DCDC2B: variants seen among roughly 807,000 people sequenced by gnomAD.
DCDC2B encodes doublecortin domain containing 2B.
Under a neutral mutation model 38.9 loss-of-function variants are expected in DCDC2B, and 41 were observed. That is an observed-to-expected ratio of 1.05 (90% CI 0.82 to 1.37). The LOEUF is 1.37. DCDC2B is among the 40% of genes most tolerant of loss of function. DCDC2B has a pLI of 0.00. For missense variants in DCDC2B, 453 were observed against 427.2 expected (o/e 1.06, Z -0.53); for synonymous variants, 181 against 171.9 (o/e 1.05, Z -0.41).
intron 3 of DCDC2B, 63 bp downstream of exon 3, chr1:32,211,900 T>C: frequency 6.4e-7 from 1 of 1,557,648 alleles, no homozygotes. Flanking sequence ...AAGAAAATGG[T>C]GTTGGGTTTG....
Position 32,215,866 on chromosome 1 carries a change from T to C in DCDC2B, c.1019T>C (p.Ile340Thr). The C allele has an allele frequency of 6.4e-7, 1 of 1,551,032 alleles. No homozygotes were observed. The highest frequency in any genetic ancestry group is 8.7e-7 in the Non-Finnish European group (1 of 1,147,100). Residue 340 changes from isoleucine (I) to threonine (T), a missense_variant, in exon 9 of 9, where the codon ATC becomes ACC. By Grantham distance (89) the Ile-to-Thr change is moderately conservative. Transcript: ENST00000409358. Reference protein sequence around the residue: ...LENQPGAGAAISASAPALPS With the variant: ...LENQPGAGAATSASAPALPS ...AACCAGCCTGGGGCTGGGGCTGCTA[T>C]CTCAGCCTCAGCCCCAGCTCTGCCA... is the stretch of plus-strand genomic sequence containing the variant.
Position 32,209,338 on chromosome 1 carries a change from T to A in DCDC2B, c.245T>A (p.Phe82Tyr). 6.2e-7 allele frequency: 1 copy of A among 1,613,938 alleles called. No homozygotes were observed. The highest frequency in any genetic ancestry group is 8.5e-7 in the Non-Finnish European group (1 of 1,179,866). ...AGAGGGCAGTATGTGGCCGCTGGAT[T>A]TGAACGATTCCACAAGCTCCAGTGA... ...KNRGQYVAAG[F>Y]ERFHKLHYLP... Residue 82 changes from phenylalanine (F) to tyrosine (Y), a missense_variant, in exon 1 of 9, where the codon TTT (phenylalanine) becomes TAT (tyrosine). By Grantham distance (22) the Phe-to-Tyr change is conservative (BLOSUM62 3). Coordinates refer to ENST00000409358, the MANE Select transcript of DCDC2B (RefSeq NM_001099434.2).
At chr1:32,215,109 G>C in intron 7 of DCDC2B, 177 bp downstream of exon 7, 1 of 845,366 alleles carries the variant, frequency 1.2e-6, no homozygotes, top group Non-Finnish European at 1.7e-6. Context: ...GAGACTGCCC[G>C]TAAAAAAAAA....
intron 7 of DCDC2B, 29 bp from the exon 8 acceptor site, chr1:32,215,411 C>T: frequency 6.3e-7 from 1 of 1,576,502 alleles, no homozygotes; most frequent in Non-Finnish European, 8.7e-7. Context: ...TCAGCCTGGG[C>T]ATCACCCAGT....
rs1348276936 is a variant in DCDC2B, at chr1:32,215,875, C to G, written c.1028C>G (p.Ser343Ter). 2.6e-6 allele frequency: 4 copies of G among 1,551,928 alleles called. No individual in the cohort carries two copies. Among genetic ancestry groups the G allele is most frequent in the Non-Finnish European group, 3.5e-6 (4 of 1,147,334 alleles). The change falls in exon 9 of 9, where the codon TCA becomes TGA. Residue 343 changes from serine (S) to a stop codon, truncating the protein, a stop_gained. Coordinates refer to ENST00000409358, the MANE Select transcript of DCDC2B (RefSeq NM_001099434.2). LOFTEE classifies it high-confidence loss of function. The part of the protein sequence containing the change: ...QPGAGAAISA[S>*]APALPS Reference sequence around the variant, plus strand: ...GGGGCTGGGGCTGCTATCTCAGCCTCAGCCCCAGCTCTGCCATCTTGAGAG... The same window carrying G: ...GGGGCTGGGGCTGCTATCTCAGCCTGAGCCCCAGCTCTGCCATCTTGAGAG...
At position 32,209,294 on chromosome 1, in the gene DCDC2B, C is replaced by A; in HGVS notation, c.201C>A (p.Asn67Lys). Residue 67 changes from asparagine (N) to lysine (K), a missense_variant, in exon 1 of 9, where the codon AAC becomes AAA. Asn to Lys is a moderately conservative substitution (Grantham distance 94, BLOSUM62 0). Transcript: ENST00000409358. ...YTPCHGHPVT[N>K]LADLKNRGQY... ...CTTGTCATGGCCACCCTGTCACCAA[C>A]CTGGCAGACTTGAAGAACAGAGGGC... is the stretch of plus-strand genomic sequence containing the variant. The A allele has an allele frequency of 6.2e-7, 1 of 1,613,998 alleles. No homozygotes were observed. Among genetic ancestry groups the A allele is most frequent in the South Asian group, 1.1e-5 (1 of 91,084 alleles).
chr1:32,209,213 C>T lies in DCDC2B; in HGVS notation c.120C>T (p.Leu40=), dbSNP rs1643481113. The change falls in exon 1 of 9, where the codon CTC becomes CTT. Residue 40 remains leucine, a synonymous_variant. Transcript: ENST00000409358. Reference sequence around the variant, plus strand: ...GCTTCCCCACCATGGAGGCCTTCCTCTGCGAGGTGACATCAGCTGTGCAGG... The same window carrying T: ...GCTTCCCCACCATGGAGGCCTTCCTTTGCGAGGTGACATCAGCTGTGCAGG... ...QRRFPTMEAF[L]CEVTSAVQAP... 1 of 1,613,906 alleles carries T rather than the reference C, an allele frequency of 6.2e-7. No individual in the cohort carries two copies. Among genetic ancestry groups the T allele is most frequent in the African/African-American group, 1.3e-5 (1 of 74,944 alleles).
chr1:32,212,935 G>C, intron 6 of DCDC2B, 142 bp downstream of exon 6: 1 of 1,053,612 alleles, frequency 9.5e-7, no homozygotes, highest in South Asian at 1.6e-5. Context: ...CTGTAGTCCA[G>C]GCTGGAGTGC....
At chr1:32,215,663 A>G (rs1410799282) in intron 8 of DCDC2B, 120 bp downstream of exon 8, 3 of 1,116,974 alleles carry the variant, frequency 2.7e-6, no homozygotes, top group Non-Finnish European at 3.8e-6. Flanking sequence ...ATGATCTCCT[A>G]ACTTCCTACC....
intron 1 of DCDC2B, 148 bp downstream of exon 1, chr1:32,209,507 A>G: frequency 1.7e-6 from 2 of 1,149,588 alleles, no homozygotes; most frequent in South Asian, 3.1e-5. Flanking sequence ...TTAGAAAGGG[A>G]AAACAGACAG....
intron 6 of DCDC2B, among the ~76,000 whole-genome samples, chr1:32,213,162 C>T (rs1468539631): frequency 6.6e-6 from 1 of 152,110 alleles, no homozygotes; most frequent in Non-Finnish European, 1.5e-5. Context: ...TCCCAAAGTG[C>T]TGGGATTACA....
rs201146941 is a variant in DCDC2B at position 32,213,198 on chromosome 1, C to CT, written c.714+411dup. On this transcript the variant is annotated intron_variant, in intron 6 of 8. Transcript: ENST00000409358. Reference sequence around the variant, plus strand: ...GGCGTGAGCCACCGTGCCCGGCCTCCTTTTTTCTTTTAAATATAGAGATGA... The same window carrying CT: ...GGCGTGAGCCACCGTGCCCGGCCTCCTTTTTTTCTTTTAAATATAGAGATGA... 1.1e-3 allele frequency among the ~76,000 whole-genome samples: 164 copies of CT among 144,240 alleles called. 3 individuals carry two copies. The East Asian group carries it at 0.034, about 30-fold the overall frequency. The allele number at this position is 144,240 out of a possible 152,430, so 94.6% of individuals were successfully genotyped here.
At chr1:32,211,395 C>A (rs115551589) in intron 2 of DCDC2B, 72 bp downstream of exon 2, 17 of 1,546,640 alleles carry the variant, frequency 1.1e-5, no homozygotes, top group Admixed American at 8.7e-5. Flanking sequence ...CCAATTTGGT[C>A]TGGGAAGCCA....
chr1:32,211,328 G>T lies in DCDC2B; in HGVS notation c.318+5G>T. The T allele has an allele frequency of 1.2e-6, 2 of 1,613,852 alleles. No homozygotes were observed. Among genetic ancestry groups the T allele is most frequent in the Non-Finnish European group, 1.7e-6 (2 of 1,179,844 alleles). ...GGGAAGAGCTGCAGACTACAAGTGA[G>T]TCCCGGGGAACCTGTGCCCCAGCCC... On this transcript the variant is annotated splice_donor_5th_base_variant and intron_variant, in intron 2 of 8. Transcript: ENST00000409358.
chr1:32,209,797 G>A (rs1231534964), intron 1 of DCDC2B, among the ~76,000 whole-genome samples: 2 of 152,174 alleles, frequency 1.3e-5, no homozygotes, highest in African/African-American at 2.4e-5. Flanking sequence ...GTCTCCCAGG[G>A]TGGGAGAAGA....
intron 5 of DCDC2B, 51 bp downstream of exon 5, chr1:32,212,687 C>T: frequency 1.9e-6 from 3 of 1,613,006 alleles, no homozygotes; most frequent in Non-Finnish European, 2.5e-6. Flanking sequence ...GGAAGCCACC[C>T]TCTGGGTCTG....
intron 2 of DCDC2B, 105 bp downstream of exon 2, chr1:32,211,428 T>C: frequency 8.5e-7 from 1 of 1,177,660 alleles, no homozygotes; most frequent in Non-Finnish European, 1.2e-6. Context: ...GATCTGCCAG[T>C]TCCAGGGGGG....
chr1:32,215,053 G>GAA lies in DCDC2B; in HGVS notation c.850+134_850+135dup, dbSNP rs75232351. ...ATGCTCAGACACAAAGCCGGCACTG[G>GAA]AAAAAAAAAAAAAAGATAAAGGAGT... is the stretch of plus-strand genomic sequence containing the variant. On this transcript the variant is annotated intron_variant, in intron 7 of 8. Coordinates refer to ENST00000409358, the MANE Select transcript of DCDC2B (RefSeq NM_001099434.2). The GAA allele has an allele frequency of 2.9e-3, 3,010 of 1,047,360 alleles. 1 individual carries two copies. The highest frequency in any genetic ancestry group is 0.011 in the South Asian group (560 of 50,902). The allele number at this position is 1,047,360 out of a possible 1,614,324, so 64.9% of individuals were successfully genotyped here.
intron 1 of DCDC2B, 61 bp from the exon 2 acceptor site, chr1:32,211,211 C>G: frequency 1.3e-6 from 2 of 1,501,774 alleles, no homozygotes; most frequent in Non-Finnish European, 1.9e-6. Context: ...ACACTGACAT[C>G]TGCCAGGCTA....
Sources: gnomAD v4.1 joint callset for allele counts (sites outside exome capture counted in the v4.1 genomes callset) on GRCh38, gnomAD v4.1.1 for gene constraint, MANE v1.5 for transcripts, NCBI Gene and HGNC (gene_info 2026-07-23, HGNC 2026-07-21) for gene names.